EXOC4: variants seen among roughly 807,000 people sequenced by gnomAD.
The protein encoded by EXOC4 is SEC8-like 1.
A neutral mutation model predicts 107.2 loss-of-function variants in EXOC4; 71 were observed. That is an observed-to-expected ratio of 0.66 (90% CI 0.55 to 0.81). The LOEUF is 0.81. Among genes scored for constraint, EXOC4 ranks in the 30% least tolerant of loss-of-function variants. The pLI is 0.00. For missense variants in EXOC4, 1,108 were observed against 1,189.6 expected (o/e 0.93, Z 1.01); for synonymous variants, 456 against 441.2 (o/e 1.03, Z -0.42).
intron 17 of EXOC4, among the ~76,000 whole-genome samples, chr7:134,035,664 T>TAGGGTG (rs1795372808): frequency 6.6e-6 from 1 of 152,030 alleles, no homozygotes; most frequent in African/African-American, 2.4e-5. Flanking sequence ...AGTCCCAAGG[T>TAGGGTG]AGGGTGGCTT....
chr7:133,634,524 C>G lies in EXOC4; in HGVS notation c.1514+4383C>G, dbSNP rs113249733. Among the ~76,000 whole-genome samples the G allele has an allele frequency of 1.4e-3, 206 of 152,072 alleles. 1 individual carries two copies. The highest frequency in any genetic ancestry group is 4.7e-3 in the African/African-American group (194 of 41,488). On this transcript the variant is annotated intron_variant, in intron 10 of 17. Coordinates refer to ENST00000253861, the MANE Select transcript of EXOC4 (RefSeq NM_021807.4). ...TTTTTTAAATAGACGGAGTCTCACT[C>G]TGTCGCCCAGGCTGGAGTGCAATGG...
At chr7:134,050,205 A>G (rs1795752794) in intron 17 of EXOC4, among the ~76,000 whole-genome samples, 1 of 152,226 alleles carries the variant, frequency 6.6e-6, no homozygotes, top group African/African-American at 2.4e-5. Context: ...AGGAAAGGAA[A>G]TGGTGGGAGA....
chr7:133,984,225 T>C (rs1395606049), intron 14 of EXOC4, among the ~76,000 whole-genome samples: 7 of 152,338 alleles, frequency 4.6e-5, no homozygotes, highest in African/African-American at 1.4e-4. Flanking sequence ...AGCTGTGCAG[T>C]GTGTAGTGTG....
chr7:133,460,448 G>A (rs1487202311), intron 7 of EXOC4, among the ~76,000 whole-genome samples: 1 of 152,172 alleles, frequency 6.6e-6, no homozygotes, highest in East Asian at 1.9e-4. Flanking sequence ...CAGTTCATTT[G>A]ATTAACCTTT....
At chr7:133,438,564 G>C (rs930995632) in intron 7 of EXOC4, among the ~76,000 whole-genome samples, 3 of 152,112 alleles carry the variant, frequency 2.0e-5, no homozygotes, top group Admixed American at 6.5e-5. Flanking sequence ...TAAAAGTCCA[G>C]ATTTCTGAGT....
chr7:133,643,751 A>G (rs567521900), intron 10 of EXOC4, among the ~76,000 whole-genome samples: 38 of 152,364 alleles, frequency 2.5e-4, no homozygotes, highest in African/African-American at 8.7e-4. Flanking sequence ...GAAAAAGGAA[A>G]TAAAATGAAG....
intron 9 of EXOC4, among the ~76,000 whole-genome samples, chr7:133,584,509 T>C (rs989863518): frequency 4.0e-5 from 6 of 151,730 alleles, no homozygotes; most frequent in Admixed American, 3.9e-4. Flanking sequence ...CTTTTAGATC[T>C]GCCCTTTCTT....
At chr7:133,384,229 G>C (rs895488018) in intron 7 of EXOC4, among the ~76,000 whole-genome samples, 1 of 152,118 alleles carries the variant, frequency 6.6e-6, no homozygotes, top group African/African-American at 2.4e-5. Flanking sequence ...TAGTAGCTTG[G>C]CAGGGGATAC....
At chr7:133,760,877 A>G (rs567493725) in intron 10 of EXOC4, among the ~76,000 whole-genome samples, 32 of 152,334 alleles carry the variant, frequency 2.1e-4, no homozygotes, top group Admixed American at 1.8e-3. Context: ...ATTTCAAGCA[A>G]TATTTGATAC....
chr7:134,006,383 A>G (rs142551280), intron 16 of EXOC4, among the ~76,000 whole-genome samples: 1 of 129,884 alleles, frequency 7.7e-6, no homozygotes, highest in African/African-American at 2.5e-5. Flanking sequence ...GAGATTTTTC[A>G]TATAAATAAG....
In EXOC4 at chr7:133,839,890, T is replaced by C. The variant is rs955099907; in HGVS notation, c.1734+22346T>C. Reference sequence around the variant, plus strand: ...CAATCCATAGCACAGTCTCAGACACTGGGGCAACAGAGGTGAAGGAGACCT... The same window carrying C: ...CAATCCATAGCACAGTCTCAGACACCGGGGCAACAGAGGTGAAGGAGACCT... On this transcript the variant is annotated intron_variant, in intron 11 of 17. Transcript: ENST00000253861. Among the ~76,000 whole-genome samples, 5 of 152,290 alleles carry C rather than the reference T, an allele frequency of 3.3e-5. No individual in the cohort carries two copies. The East Asian group carries it at 9.7e-4, about 29-fold the overall frequency.
intron 9 of EXOC4, among the ~76,000 whole-genome samples, chr7:133,599,599 T>A (rs1019609946): frequency 6.6e-6 from 1 of 152,208 alleles, no homozygotes; most frequent in Non-Finnish European, 1.5e-5. Flanking sequence ...CAAATTAGCC[T>A]TTCAGACAAT....
At chr7:133,516,462 G>T (rs572696302) in intron 9 of EXOC4, among the ~76,000 whole-genome samples, 1 of 152,036 alleles carries the variant, frequency 6.6e-6, no homozygotes, top group Non-Finnish European at 1.5e-5. Context: ...GTGGTCTTTC[G>T]TGACTGGCTT....
At chr7:133,936,937 A>T (rs892103757) in intron 13 of EXOC4, among the ~76,000 whole-genome samples, 1 of 152,210 alleles carries the variant, frequency 6.6e-6, no homozygotes, top group Non-Finnish European at 1.5e-5. Flanking sequence ...CTAAGATTAC[A>T]GGCTTGAGCC....
intron 11 of EXOC4, among the ~76,000 whole-genome samples, chr7:133,819,525 A>G (rs1359972696): frequency 1.3e-5 from 2 of 152,148 alleles, no homozygotes; most frequent in African/African-American, 2.4e-5. Flanking sequence ...GGATGGATGG[A>G]TGGATGGATA....
chr7:134,080,094 C>T, the EXOC4 span, among the ~76,000 whole-genome samples: 1 of 152,220 alleles, frequency 6.6e-6, no homozygotes, highest in African/African-American at 2.4e-5. Flanking sequence ...CATTCCTCAT[C>T]TGCATGATTA....
chr7:133,356,768 G>A lies in EXOC4; in HGVS notation c.1007+195G>A, dbSNP rs756294613. Among the ~76,000 whole-genome samples the A allele has an allele frequency of 5.0e-4, 76 of 152,102 alleles. 3 individuals carry two copies. Among genetic ancestry groups the A allele is most frequent in the Non-Finnish European group, 7.4e-5 (5 of 68,022 alleles). On this transcript the variant is annotated intron_variant, in intron 6 of 17. Coordinates refer to ENST00000253861, the MANE Select transcript of EXOC4 (RefSeq NM_021807.4). ...GGCTGAGGCAGGCAGATCACTTGAG[G>A]TCAGAAGTTTGAGACCAGCCTGTAC... is the stretch of plus-strand genomic sequence containing the variant.
At chr7:133,696,223 G>T (rs144734006) in intron 10 of EXOC4, among the ~76,000 whole-genome samples, 1 of 152,110 alleles carries the variant, frequency 6.6e-6, no homozygotes, top group East Asian at 1.9e-4. Flanking sequence ...CCCTTTCTAC[G>T]ATCATGCCAA....
intron 6 of EXOC4, among the ~76,000 whole-genome samples, chr7:133,367,733 G>A (rs757804135): frequency 1.3e-5 from 2 of 152,150 alleles, no homozygotes; most frequent in Non-Finnish European, 2.9e-5. Context: ...TGGCGATAAA[G>A]TAGTACCTTC....
Sources: gnomAD v4.1 joint callset for allele counts (sites outside exome capture counted in the v4.1 genomes callset) on GRCh38, gnomAD v4.1.1 for gene constraint, MANE v1.5 for transcripts, NCBI Gene and HGNC (gene_info 2026-07-23, HGNC 2026-07-21) for gene names.